Variants in SYNE1 observed in about 807,000 individuals in gnomAD.
SYNE1 encodes nesprin-1.
In SYNE1, 616 loss-of-function variants were observed where a neutral mutation model predicts 1,111.0. The ratio of observed to expected loss-of-function variants is 0.55; its 90% CI spans 0.52 to 0.59. SYNE1 has a LOEUF of 0.59. Ranked by LOEUF, SYNE1 falls within the 20% of genes least tolerant of loss-of-function variation. The probability of loss-of-function intolerance (pLI) is 0.00; values close to 1 mark genes in which losing one functional copy is unlikely to be tolerated. For missense variants in SYNE1, 10,006 were observed against 10,417.0 expected (o/e 0.96, Z 1.72); for synonymous variants, 3,855 against 3,825.8 (o/e 1.01, Z -0.28).
At chr6:152,301,636 G>A (rs2095171816) in intron 92 of SYNE1, among the ~76,000 whole-genome samples, 1 of 152,218 alleles carries the variant, frequency 6.6e-6, no homozygotes, top group South Asian at 2.1e-4. Context: ...CCTCTGACAT[G>A]TTAAGTAATT....
chr6:152,363,783 C>G (rs777549714), intron 63 of SYNE1: 19 of 455,470 alleles, frequency 4.2e-5, no homozygotes, highest in Admixed American at 7.1e-5. Flanking sequence ...CCCTGAGGGG[C>G]AGCCCTCAAC....
chr6:152,482,325 A>G (rs1340021557), intron 14 of SYNE1, among the ~76,000 whole-genome samples: 9 of 152,112 alleles, frequency 5.9e-5, no homozygotes, highest in Non-Finnish European at 1.3e-4. Flanking sequence ...CCTTGGGGTA[A>G]TTTTTCAAAA....
At chr6:152,323,289 T>A (rs1480577026) in intron 82 of SYNE1, among the ~76,000 whole-genome samples, 189 bp downstream of exon 82, 1 of 151,888 alleles carries the variant, frequency 6.6e-6, no homozygotes, top group Non-Finnish European at 1.5e-5. Context: ...ATACAAAAAA[T>A]TAGCCGGGCG....
intron 101 of SYNE1, 127 bp downstream of exon 101, chr6:152,261,905 A>G (rs1489167355): frequency 7.5e-6 from 5 of 668,038 alleles, no homozygotes; most frequent in Admixed American, 3.2e-5. Context: ...ATGTAGAGTG[A>G]AAAATTGGTG....
chr6:152,338,929 CA>C (rs2096469478), intron 75 of SYNE1, among the ~76,000 whole-genome samples: 1 of 151,320 alleles, frequency 6.6e-6, no homozygotes, highest in Non-Finnish European at 1.5e-5. Flanking sequence ...GAGAAAAGAA[CA>C]AAAAAAGGTG....
At chr6:152,509,139 AC>A (rs1167316499) in intron 8 of SYNE1, among the ~76,000 whole-genome samples, 2 of 152,194 alleles carry the variant, frequency 1.3e-5, no homozygotes, top group African/African-American at 4.8e-5. Context: ...GAAAGGACTT[AC>A]CCCTGATCAC....
chr6:152,342,721 T>C (rs991984359), intron 74 of SYNE1, among the ~76,000 whole-genome samples: 1 of 152,202 alleles, frequency 6.6e-6, no homozygotes, highest in Admixed American at 6.5e-5. Flanking sequence ...GAGTCAACAC[T>C]GCATACAAAA....
rs2073869709 is a variant in SYNE1, at chr6:152,195,509, TCA to T, written c.23146-6104_23146-6103del. On this transcript the variant is annotated intron_variant, in intron 127 of 145. Coordinates refer to ENST00000367255, the MANE Select transcript of SYNE1 (RefSeq NM_182961.4). The stretch of plus-strand genomic sequence containing the variant: ...TTTAGTCACTGCAGTCAAATCTGCA[TCA>T]TGGGGCACCCCAAGCCCACTAAAAC... 2.7e-5 allele frequency among the ~76,000 whole-genome samples: 4 copies of T among 149,412 alleles called. No individual in the cohort carries two copies. In the South Asian group the frequency reaches 8.5e-4, roughly 32 times the overall value.
intron 1 of SYNE1, 91 bp downstream of exon 1, chr6:152,637,098 T>TCCGTGCC (rs1338577745): frequency 2.0e-5 from 3 of 152,164 alleles, no homozygotes; most frequent in Non-Finnish European, 2.9e-5. Context: ...CCTCCCCGGC[T>TCCGTGCC]CCGTGCCCCG....
intron 42 of SYNE1, among the ~76,000 whole-genome samples, chr6:152,411,720 CACA>C (rs2098049550): frequency 1.7e-5 from 2 of 118,582 alleles, no homozygotes; most frequent in African/African-American, 8.1e-5. Context: ...CACACACACA[CACA>C]CACACCCCCA....
In SYNE1 at chr6:152,548,665, T is replaced by G. The variant is rs537456783; in HGVS notation, c.68-8644A>C. ...AAGGCTGGAGGAGACTTTTGATACC[T>G]TGAGAATGGATGAATGTACTTTCCA... On this transcript the variant is annotated intron_variant, in intron 3 of 145. Transcript: ENST00000367255. 3.3e-5 allele frequency among the ~76,000 whole-genome samples: 5 copies of G among 152,278 alleles called. No individual in the cohort carries two copies. The East Asian group carries it at 9.7e-4, about 29-fold the overall frequency.
chr6:152,256,499 T>C lies in SYNE1; in HGVS notation c.19104+135A>G, dbSNP rs998560244. The C allele has an allele frequency of 3.9e-6, 4 of 1,021,188 alleles. No individual in the cohort carries two copies. The African/African-American group carries it at 4.8e-5, about 12-fold the overall frequency. 63.3% of individuals were successfully genotyped at this position (1,021,188 alleles called of 1,614,324 possible). On this transcript the variant is annotated intron_variant, in intron 102 of 145. Transcript: ENST00000367255. The stretch of plus-strand genomic sequence containing the variant: ...GGACTCCAGGGTCCAGTGATCTTTG[T>C]TTCAGCGCTTATCACTAGTGTTGGG...
intron 3 of SYNE1, among the ~76,000 whole-genome samples, chr6:152,553,027 A>G (rs775816073): frequency 1.1e-4 from 16 of 152,334 alleles, no homozygotes; most frequent in Middle Eastern, 3.4e-3. Flanking sequence ...ATAGAAATCT[A>G]TCTTCTATTT....
chr6:152,631,428 G>A lies in SYNE1; in HGVS notation c.-223-2874C>T, dbSNP rs115317246. The stretch of plus-strand genomic sequence containing the variant: ...GTCCAGATGGCGCAGGGCCCTGAGT[G>A]CTATGCTCAGAAGTTTGGTTCTGGT... On this transcript the variant is annotated intron_variant, in intron 2 of 145. Transcript: ENST00000367255. 7.4e-3 allele frequency among the ~76,000 whole-genome samples: 1,123 copies of A among 152,304 alleles called. 19 individuals are homozygous for A. Among genetic ancestry groups the A allele is most frequent in the African/African-American group, 0.026 (1,069 of 41,560 alleles).
At chr6:152,231,706 C>G (rs2082787973) in intron 113 of SYNE1, 139 bp from the exon 114 acceptor site, 1 of 864,776 alleles carries the variant, frequency 1.2e-6, no homozygotes, top group Admixed American at 2.5e-5. Flanking sequence ...TGTCTGTGTT[C>G]ACACAACCCA....
chr6:152,434,153 A>T (rs2098453134), intron 33 of SYNE1: 1 of 578,258 alleles, frequency 1.7e-6, no homozygotes, highest in Non-Finnish European at 3.1e-6. Flanking sequence ...ACATTTAATG[A>T]GGCAGTATCT....
intron 3 of SYNE1, among the ~76,000 whole-genome samples, chr6:152,617,122 C>T (rs2099656797): frequency 6.6e-6 from 1 of 152,138 alleles, no homozygotes; most frequent in African/African-American, 2.4e-5. Flanking sequence ...GCCACTTAAC[C>T]ACTCTAGAAC....
chr6:152,484,836 C>T lies in SYNE1; in HGVS notation c.1184G>A (p.Arg395Lys), dbSNP rs1593679435. Residue 395 changes from arginine to lysine, a missense_variant and splice_region_variant, in exon 13 of 146, where the codon AGG becomes AAG. Physicochemically the swap from Arg to Lys is conservative, Grantham distance 26 (BLOSUM62 2). Coordinates refer to ENST00000367255, the MANE Select transcript of SYNE1 (RefSeq NM_182961.4). ...ATAACTAATTGTGGGAGAACTTACC[C>T]TGGAGGTCACTCTATCCCAAGATTG... is the stretch of plus-strand genomic sequence containing the variant. Reference protein sequence around the residue: ...VKQSWDRVTSRLFDWHIQLDK... With the variant: ...VKQSWDRVTSKLFDWHIQLDK... The T allele has an allele frequency of 1.2e-6, 2 of 1,613,816 alleles. No individual in the cohort carries two copies. The highest frequency in any genetic ancestry group is 4.5e-5 in the East Asian group (2 of 44,834).
intron 61 of SYNE1, chr6:152,368,672 C>A: frequency 3.0e-6 from 1 of 332,200 alleles, no homozygotes; most frequent in South Asian, 3.8e-5. Flanking sequence ...AAATCAAAGC[C>A]CTGGGAAACA....
Sources: allele counts gnomAD v4.1 joint callset (sites outside exome capture counted in the v4.1 genomes callset), GRCh38; gene constraint gnomAD v4.1.1; transcripts MANE v1.5; gene names NCBI Gene and HGNC (gene_info 2026-07-23, HGNC 2026-07-21).